The following AXDND1 variants were observed in gnomAD, a reference collection of about 807,000 sequenced individuals.
AXDND1 encodes axonemal dynein light chain domain containing 1.
AXDND1 carries 110 observed loss-of-function variants against 137.5 expected under a neutral mutation model. The ratio of observed to expected loss-of-function variants is 0.80; its 90% CI spans 0.69 to 0.94. AXDND1 has a LOEUF of 0.94. AXDND1 is among the 40% of genes least tolerant of loss of function. The probability of loss-of-function intolerance (pLI) is 0.00; values close to 1 mark genes in which losing one functional copy is unlikely to be tolerated. For missense variants in AXDND1, 1,191 were observed against 1,169.8 expected (o/e 1.02, Z -0.26); for synonymous variants, 414 against 399.7 (o/e 1.04, Z -0.43).
At chr1:179,462,256 G>A (rs1662438564) in intron 16 of AXDND1, among the ~76,000 whole-genome samples, 2 of 152,174 alleles carry the variant, frequency 1.3e-5, no homozygotes, top group Admixed American at 1.3e-4. Flanking sequence ...TTAACATGAA[G>A]GGCTGCTGAA....
At chr1:179,527,750 C>G (rs1376890329) in intron 22 of AXDND1, among the ~76,000 whole-genome samples, 1 of 152,158 alleles carries the variant, frequency 6.6e-6, no homozygotes, top group African/African-American at 2.4e-5. Context: ...GAGACTCACC[C>G]TGAATTTTAT....
intron 17 of AXDND1, among the ~76,000 whole-genome samples, chr1:179,480,729 C>T (rs1375404356): frequency 1.3e-5 from 2 of 151,974 alleles, no homozygotes; most frequent in East Asian, 1.9e-4. Flanking sequence ...TTGCTACCCC[C>T]CTCTTCCTTG....
chr1:179,447,633 G>A, intron 16 of AXDND1: 3 of 1,283,978 alleles, frequency 2.3e-6, no homozygotes, highest in Non-Finnish European at 3.3e-6. Flanking sequence ...AAGCGGGGAT[G>A]ACAACTCGAA....
At chr1:179,502,625 G>T (rs1380451667) in intron 20 of AXDND1, among the ~76,000 whole-genome samples, 1 of 150,550 alleles carries the variant, frequency 6.6e-6, no homozygotes, top group Non-Finnish European at 1.5e-5. Flanking sequence ...TAACAAGAAT[G>T]AGGGAGCAAC....
intron 23 of AXDND1, among the ~76,000 whole-genome samples, chr1:179,531,502 G>A (rs1463303156): frequency 6.6e-6 from 1 of 152,112 alleles, no homozygotes; most frequent in Non-Finnish European, 1.5e-5. Context: ...GATGGAGTCA[G>A]CCCCATCAGA....
At chr1:179,404,167 CTT>C (rs1002458732) in intron 11 of AXDND1, among the ~76,000 whole-genome samples, 1 of 150,886 alleles carries the variant, frequency 6.6e-6, no homozygotes, top group African/African-American at 2.4e-5. Flanking sequence ...ACATTGCTAA[CTT>C]TTCTTCATTT....
intron 17 of AXDND1, among the ~76,000 whole-genome samples, chr1:179,472,252 C>G (rs537492680): frequency 6.6e-6 from 1 of 152,270 alleles, no homozygotes; most frequent in East Asian, 1.9e-4. Flanking sequence ...GTGATTTATT[C>G]ATTGACCCAT....
chr1:179,497,170 T>C (rs767785406), intron 20 of AXDND1, among the ~76,000 whole-genome samples: 3 of 152,142 alleles, frequency 2.0e-5, no homozygotes, highest in African/African-American at 4.8e-5. Context: ...CTGTTATTGA[T>C]GGAGTTCAAA....
intron 25 of AXDND1, chr1:179,546,257 T>G (rs554110092): frequency 6.7e-6 from 1 of 149,012 alleles, no homozygotes; most frequent in South Asian, 2.1e-4. Flanking sequence ...GGACACACTA[T>G]GGGGAAAGGA....
Position 179,387,762 on chromosome 1 carries a change from A to G in AXDND1, c.863+2403A>G, listed in dbSNP as rs145643599. On this transcript the variant is annotated intron_variant, in intron 9 of 25. Transcript: ENST00000367618. ...AAAACTTTTCTGTGTACCATATCCA[A>G]TGTCCCATGAATCATGAGTTTTTAC... Among the ~76,000 whole-genome samples the G allele has an allele frequency of 6.3e-3, 956 of 152,300 alleles. 11 individuals are homozygous for G. The highest frequency in any genetic ancestry group is 0.022 in the African/African-American group (912 of 41,562).
In AXDND1 at chr1:179,491,690, G is replaced by C; in HGVS notation, c.2244G>C (p.Ala748=). The C allele has an allele frequency of 6.2e-7, 1 of 1,601,374 alleles. No individual in the cohort carries two copies. Among genetic ancestry groups the C allele is most frequent in the South Asian group, 1.1e-5 (1 of 87,880 alleles). ...GAGTTGCGCGATTGGAGCTAGATGCGATTGAACTGACAAGGAAGTTGTACC... is the reference window on the plus strand; with the variant it reads ...GAGTTGCGCGATTGGAGCTAGATGCCATTGAACTGACAAGGAAGTTGTACC... ...DIGVARLELD[A]IELTRKLYQY... is the part of the protein sequence containing the mutation. Residue 748 remains alanine (A), a synonymous_variant, in exon 19 of 26, where the codon GCG becomes GCC. Coordinates refer to ENST00000367618, the MANE Select transcript of AXDND1 (RefSeq NM_144696.6).
At chr1:179,403,984 A>T (rs991614602) in intron 11 of AXDND1, among the ~76,000 whole-genome samples, 1 of 152,214 alleles carries the variant, frequency 6.6e-6, no homozygotes, top group African/African-American at 2.4e-5. Flanking sequence ...TTATTCAACT[A>T]TGATTTAATA....
At chr1:179,378,253 A>G (rs1204942441) in intron 4 of AXDND1, among the ~76,000 whole-genome samples, 1 of 152,202 alleles carries the variant, frequency 6.6e-6, no homozygotes, top group African/African-American at 2.4e-5. Flanking sequence ...GAAAAAGTTT[A>G]TTATAGGTCA....
chr1:179,449,538 T>C, intron 16 of AXDND1: 1 of 153,676 alleles, frequency 6.5e-6, no homozygotes, highest in East Asian at 1.9e-4. Flanking sequence ...AATCAGCTTA[T>C]CAATTTCTAT....
At chr1:179,483,087 A>C (rs770020154) in intron 17 of AXDND1, 41 bp from the exon 18 acceptor site, 2 of 1,345,160 alleles carry the variant, frequency 1.5e-6, no homozygotes, top group Admixed American at 4.0e-5. Flanking sequence ...TTATCCTTTA[A>C]ATCAGCCAGT....
intron 11 of AXDND1, among the ~76,000 whole-genome samples, chr1:179,402,490 T>C (rs981655946): frequency 6.6e-6 from 1 of 152,204 alleles, no homozygotes; most frequent in Non-Finnish European, 1.5e-5. Context: ...TTCCCTTTTG[T>C]TAACTATAGT....
chr1:179,391,090 G>A (rs1285205018), intron 9 of AXDND1, among the ~76,000 whole-genome samples: 3 of 147,362 alleles, frequency 2.0e-5, no homozygotes, highest in African/African-American at 7.5e-5. Context: ...ACAGGCGTGA[G>A]CCACTGAGGC....
intron 18 of AXDND1, among the ~76,000 whole-genome samples, chr1:179,490,907 G>A (rs1273238852): frequency 1.3e-5 from 2 of 152,154 alleles, no homozygotes; most frequent in East Asian, 3.9e-4. Context: ...ACATATTACT[G>A]TTATTTCCCT....
chr1:179,454,159 A>G (rs1660948369), intron 16 of AXDND1: 1 of 152,266 alleles, frequency 6.6e-6, no homozygotes, highest in African/African-American at 2.4e-5. Flanking sequence ...CCCAGATCTC[A>G]TCTTGAATTC....
Sources: allele counts gnomAD v4.1 joint callset (sites outside exome capture counted in the v4.1 genomes callset), GRCh38; gene constraint gnomAD v4.1.1; transcripts MANE v1.5; gene names NCBI Gene and HGNC (gene_info 2026-07-23, HGNC 2026-07-21).